The following ERICH1 variants were observed in gnomAD, a reference collection of about 807,000 sequenced individuals.
The protein encoded by ERICH1 is glutamate-rich protein 1.
In ERICH1, 56 loss-of-function variants were observed where a neutral mutation model predicts 39.6. The ratio of observed to expected loss-of-function variants is 1.41; its 90% confidence interval spans 1.14 to 1.77. ERICH1 has a LOEUF of 1.77. Among genes scored for constraint, ERICH1 ranks in the 40% most tolerant of loss-of-function variants. The pLI is 0.00. For synonymous variants in ERICH1, 313 were observed against 223.6 expected (o/e 1.40, Z -3.57); for missense variants, 826 against 575.4 (o/e 1.44, Z -4.45).
intron 3 of ERICH1, among the ~76,000 whole-genome samples, chr8:677,629 C>G (rs898770088): frequency 6.6e-6 from 1 of 152,320 alleles, no homozygotes; most frequent in Middle Eastern, 3.4e-3. Flanking sequence ...CCTGAACACA[C>G]TGATGTTTAA....
chr8:623,627 C>A (rs1026072176), intron 3 of ERICH1, among the ~76,000 whole-genome samples: 6 of 152,158 alleles, frequency 3.9e-5, no homozygotes, highest in African/African-American at 1.4e-4. Context: ...TATCACCTCA[C>A]AGAATTACCA....
chr8:720,537 C>T (rs1389227662), intron 1 of ERICH1, among the ~76,000 whole-genome samples: 8 of 152,120 alleles, frequency 5.3e-5, no homozygotes, highest in South Asian at 2.1e-4. Flanking sequence ...GTTTAAATCC[C>T]GAGTTTTCAT....
In ERICH1 at chr8:657,298, G is replaced by A. The variant is rs987430072; in HGVS notation, c.976+11300C>T. On this transcript the variant is annotated intron_variant, in intron 3 of 3. Coordinates refer to the ERICH1 transcript ENST00000522706. ...GAGACTAAGGGTATTTAAGAGTTCCGGGAAGGGGAGCTTATTGCAGGCTAG... is the reference window on the plus strand; with the variant it reads ...GAGACTAAGGGTATTTAAGAGTTCCAGGAAGGGGAGCTTATTGCAGGCTAG... Among the ~76,000 whole-genome samples, 23 of 152,236 alleles carry A rather than the reference G, an allele frequency of 1.5e-4. No individual in the cohort carries two copies. In the East Asian group the frequency reaches 3.3e-3, roughly 22 times the overall value.
intron 3 of ERICH1, among the ~76,000 whole-genome samples, chr8:684,361 G>T (rs142792771): frequency 1.3e-5 from 2 of 152,022 alleles, no homozygotes; most frequent in Admixed American, 1.3e-4. Flanking sequence ...TAAAGCCACA[G>T]TAAATAAAAA....
chr8:616,823 G>GGCGA (rs1796935586), intron 3 of ERICH1, among the ~76,000 whole-genome samples: 1 of 76,246 alleles, frequency 1.3e-5, no homozygotes, highest in Non-Finnish European at 2.4e-5. Context: ...AGAGACGGGG[G>GGCGA]GAGAGAGAGA....
chr8:623,104 A>C (rs773843989), intron 3 of ERICH1, among the ~76,000 whole-genome samples: 2 of 152,188 alleles, frequency 1.3e-5, no homozygotes, highest in African/African-American at 2.4e-5. Context: ...AAAACAGGCA[A>C]AGATATCAAA....
intron 3 of ERICH1, chr8:641,081 C>G (rs1023200164): frequency 4.6e-5 from 7 of 152,310 alleles, no homozygotes; most frequent in Admixed American, 4.6e-4. Context: ...CAGAGCCACT[C>G]CCAGCTTCTC....
At chr8:623,539 T>A (rs1169334463) in intron 3 of ERICH1, among the ~76,000 whole-genome samples, 1 of 152,206 alleles carries the variant, frequency 6.6e-6, no homozygotes, top group African/African-American at 2.4e-5. Flanking sequence ...ATTGTATATA[T>A]TTAGGTTATA....
Position 731,209 on chromosome 8 carries a change from G to C in ERICH1, c.-48C>G, listed in dbSNP as rs1455956197. 7.0e-7 allele frequency: 1 copy of C among 1,426,274 alleles called. No homozygotes were observed. Among genetic ancestry groups the C allele is most frequent in the Non-Finnish European group, 9.2e-7 (1 of 1,091,406 alleles). 88.4% of individuals were successfully genotyped at this position (1,426,274 alleles called of 1,614,324 possible). A position where few individuals can be genotyped will look rare whatever the true frequency, so the allele number is the denominator to read the frequency against. On this transcript the variant is annotated 5_prime_UTR_variant, in exon 1 of 6. Coordinates refer to ENST00000262109, the MANE Select transcript of ERICH1 (RefSeq NM_207332.3). ...AGACCACGGCGCGCGGTCCTGAGCT[G>C]AGCGCCGTGCCTTCCGGGTTCCGCC...
intron 4 of ERICH1, chr8:672,107 A>G (rs1337495739): frequency 3.3e-5 from 5 of 152,890 alleles, no homozygotes; most frequent in African/African-American, 1.2e-4. Flanking sequence ...CCATCTTTCT[A>G]TGAGCTGTTT....
At chr8:658,151 G>C (rs559026715) in intron 3 of ERICH1, among the ~76,000 whole-genome samples, 1 of 152,316 alleles carries the variant, frequency 6.6e-6, no homozygotes, top group Non-Finnish European at 1.5e-5. Flanking sequence ...GGCTTCCAGG[G>C]CTTCGGCTGC....
intron 3 of ERICH1, among the ~76,000 whole-genome samples, chr8:618,484 C>G (rs114563135): frequency 0.011 from 1,641 of 152,322 alleles, 23 homozygotes; most frequent in African/African-American, 0.036. Flanking sequence ...TTGGTTTGTC[C>G]TCACTGCCCG....
intron 2 of ERICH1, among the ~76,000 whole-genome samples, chr8:701,266 C>T (rs1812062139): frequency 6.6e-6 from 1 of 152,092 alleles, no homozygotes; most frequent in Non-Finnish European, 1.5e-5. Flanking sequence ...CGGGAGCACG[C>T]CGTACCCACG....
intron 2 of ERICH1, among the ~76,000 whole-genome samples, chr8:715,544 G>A (rs1050712549): frequency 1.3e-5 from 2 of 152,258 alleles, no homozygotes; most frequent in Non-Finnish European, 2.9e-5. Flanking sequence ...GGTGTATGGT[G>A]GGGAAGGCGC....
At chr8:633,880 T>A (rs113563117) in intron 3 of ERICH1, among the ~76,000 whole-genome samples, 137 of 152,132 alleles carry the variant, frequency 9.0e-4, no homozygotes, top group African/African-American at 3.2e-3. Context: ...CTGACAAAAA[T>A]CAGTGCAAAG....
intron 2 of ERICH1, among the ~76,000 whole-genome samples, chr8:703,274 C>T (rs117022723): frequency 0.021 from 3,155 of 152,290 alleles, 51 homozygotes; most frequent in Middle Eastern, 0.034. Context: ...ACCCCATCCT[C>T]CTCCTAAGGC....
At chr8:711,626 T>G (rs1051698994) in intron 2 of ERICH1, among the ~76,000 whole-genome samples, 4 of 151,926 alleles carry the variant, frequency 2.6e-5, no homozygotes, top group Admixed American at 2.6e-4. Context: ...GCCTACCGAG[T>G]GGCTGGGACT....
At chr8:635,218 A>G (rs1411718806) in intron 3 of ERICH1, among the ~76,000 whole-genome samples, 1 of 152,110 alleles carries the variant, frequency 6.6e-6, no homozygotes, top group Non-Finnish European at 1.5e-5. Context: ...CAGCCTCAGG[A>G]AAGAGCCAGG....
At chr8:723,156 C>T (rs527693552) in intron 1 of ERICH1, among the ~76,000 whole-genome samples, 1 of 152,356 alleles carries the variant, frequency 6.6e-6, no homozygotes, top group Admixed American at 6.5e-5. Flanking sequence ...CCCTCCCTCA[C>T]CATAGGACGC....
Sources: gnomAD v4.1 joint callset for allele counts (sites outside exome capture counted in the v4.1 genomes callset) on GRCh38, gnomAD v4.1.1 for gene constraint, MANE v1.5 for transcripts, NCBI Gene and HGNC (gene_info 2026-07-23, HGNC 2026-07-21) for gene names.